KIAA0586: variants seen among roughly 807,000 people sequenced by gnomAD.
KIAA0586 encodes the protein protein TALPID3.
A neutral mutation model predicts 169.8 loss-of-function variants in KIAA0586; 144 were observed. The observed-to-expected ratio is 0.85, with a 90% CI of 0.74 to 0.97. The LOEUF is 0.97. Ranked by LOEUF, KIAA0586 falls within the 50% of genes least tolerant of loss-of-function variation. KIAA0586 has a pLI of 0.00. For missense variants in KIAA0586, 1,854 were observed against 1,823.0 expected, an observed-to-expected ratio of 1.02 and a Z score of -0.31; for synonymous variants, 625 against 612.4, an observed-to-expected ratio of 1.02 and a Z score of -0.30.
In KIAA0586 at chr14:58,474,750, T is replaced by G; in HGVS notation, c.2778T>G (p.Asp926Glu). The G allele has an allele frequency of 6.2e-7, 1 of 1,611,816 alleles. No individual in the cohort carries two copies. Among genetic ancestry groups the G allele is most frequent in the Non-Finnish European group, 8.5e-7 (1 of 1,179,254 alleles). ...TTCAGCCCACTGCTGATATTCTGGA[T>G]AAAGTAATTGAGAGAAAAGAAACAC... ...STFQPTADIL[D>E]KVIERKETLE... The change falls in exon 19 of 31, where the codon GAT (aspartate) becomes GAG (glutamate). Residue 926 changes from aspartate to glutamate, a missense_variant. Coordinates refer to ENST00000652326, the MANE Select transcript of KIAA0586 (RefSeq NM_001329943.3).
rs1278071635 is a variant in KIAA0586, at chr14:58,488,072, C to T, written c.3490C>T (p.Pro1164Ser). Reference sequence around the variant, plus strand: ...AGACCTGCCACTGGAAGAAGAGAACCCTAACTCACCTCAAGAAGAACTTCA... The same window carrying T: ...AGACCTGCCACTGGAAGAAGAGAACTCTAACTCACCTCAAGAAGAACTTCA... Reference protein sequence around the residue: ...DGDLPLEEENPNSPQEELHPR... With the variant: ...DGDLPLEEENSNSPQEELHPR... The change falls in exon 23 of 31, where the codon CCT becomes TCT. Residue 1164 changes from proline (P) to serine (S), a missense_variant. Coordinates refer to ENST00000652326, the MANE Select transcript of KIAA0586 (RefSeq NM_001329943.3). 3.1e-6 allele frequency: 5 copies of T among 1,607,594 alleles called. No homozygotes were observed. In the Admixed American group the frequency reaches 8.5e-5, roughly 27 times the overall value.
intron 13 of KIAA0586, 33 bp downstream of exon 13, chr14:58,460,103 G>T (rs2040202393): frequency 1.6e-6 from 2 of 1,230,486 alleles, no homozygotes; most frequent in South Asian, 2.9e-5. Context: ...TAACATAATT[G>T]TTGTGTTATA....
At position 58,544,963 on chromosome 14, in the gene KIAA0586, A is replaced by G. The variant is rs999511855; in HGVS notation, c.4496-2818A>G. ...TTCATTGCCTTCCCACCATCTTTTC[A>G]GTCCCAACTCAATGGCTACCTTCCA... On this transcript the variant is annotated intron_variant, in intron 30 of 30. Transcript: ENST00000652326. 2.6e-5 allele frequency among the ~76,000 whole-genome samples: 4 copies of G among 152,320 alleles called. No individual in the cohort carries two copies. The South Asian group carries it at 6.2e-4, about 24-fold the overall frequency.
chr14:58,556,809 G>A, the KIAA0586 span, among the ~76,000 whole-genome samples: 5 of 152,094 alleles, frequency 3.3e-5, no homozygotes, highest in Middle Eastern at 3.2e-3. Context: ...GCAATGGCTC[G>A]ATCTCGGCTC....
intron 27 of KIAA0586, among the ~76,000 whole-genome samples, chr14:58,504,551 A>C (rs2043801184): frequency 6.6e-6 from 1 of 152,194 alleles, no homozygotes; most frequent in Non-Finnish European, 1.5e-5. Context: ...TTTTAGGCAA[A>C]CTTAGTCTTC....
intron 8 of KIAA0586, among the ~76,000 whole-genome samples, chr14:58,452,256 C>T (rs1404217784): frequency 6.6e-6 from 1 of 151,958 alleles, no homozygotes; most frequent in African/African-American, 2.4e-5. Flanking sequence ...CCAAATACCA[C>T]CTGTTCCCCA....
chr14:58,486,949 C>G (rs2042488818), intron 21 of KIAA0586, 58 bp from the exon 22 acceptor site: 5 of 1,392,062 alleles, frequency 3.6e-6, no homozygotes, highest in Non-Finnish European at 3.9e-6. Context: ...ATATTATTTT[C>G]AAATTACTTT....
At chr14:58,518,374 T>C (rs1173488145) in intron 29 of KIAA0586, among the ~76,000 whole-genome samples, 3 of 152,224 alleles carry the variant, frequency 2.0e-5, no homozygotes, top group Non-Finnish European at 4.4e-5. Flanking sequence ...TATTTAAAAA[T>C]ACATTCCATT....
intron 29 of KIAA0586, 89 bp downstream of exon 29, chr14:58,512,716 C>A: frequency 4.2e-6 from 3 of 707,844 alleles, no homozygotes; most frequent in South Asian, 2.0e-5. Context: ...TTTATACATC[C>A]CACTGCTCTC....
upstream of KIAA0586, chr14:58,427,671 C>T (rs923173865): frequency 6.5e-7 from 1 of 1,535,582 alleles, no homozygotes; most frequent in East Asian, 2.4e-5. Context: ...TGTTGTGTCT[C>T]AAGGGCGGGT....
At chr14:58,545,352 A>T (rs2046914281) in intron 30 of KIAA0586, among the ~76,000 whole-genome samples, 2 of 152,240 alleles carry the variant, frequency 1.3e-5, no homozygotes, top group Non-Finnish European at 1.5e-5. Context: ...CACCCTAAAA[A>T]GTTATAGCTC....
chr14:58,514,993 T>C (rs951059831), intron 29 of KIAA0586, among the ~76,000 whole-genome samples: 3 of 152,100 alleles, frequency 2.0e-5, no homozygotes, highest in Admixed American at 6.6e-5. Flanking sequence ...AATTAAATTC[T>C]ATAAAGTAAT....
At position 58,487,993 on chromosome 14, in the gene KIAA0586, C is replaced by T. The variant is rs781526422; in HGVS notation, c.3411C>T (p.Ser1137=). 6.2e-7 allele frequency: 1 copy of T among 1,613,060 alleles called. No individual in the cohort carries two copies. The highest frequency in any genetic ancestry group is 8.5e-7 in the Non-Finnish European group (1 of 1,179,550). The change falls in exon 23 of 31, where the codon TCC becomes TCT. Residue 1137 remains serine (S), a synonymous_variant. Transcript: ENST00000652326. ...TTACCCCAACTTTGTCAGATATTTC[C>T]ATTGATAAATTGAAGGTATCAAGCC... The part of the protein sequence containing the change: ...AVFTPTLSDI[S]IDKLKVSSPE...
chr14:58,531,969 A>AATTTTTATGTAGTTTCACCAG (rs2045997785), intron 29 of KIAA0586, among the ~76,000 whole-genome samples: 1 of 151,572 alleles, frequency 6.6e-6, no homozygotes, highest in African/African-American at 2.4e-5. Flanking sequence ...CTCACTCATA[A>AATTTTTATGTAGTTTCACCAG]GTGGGAGTTG....
At chr14:58,467,623 A>G (rs1435109207) in intron 15 of KIAA0586, 112 bp from the exon 16 acceptor site, 2 of 755,508 alleles carry the variant, frequency 2.6e-6, no homozygotes, top group African/African-American at 3.5e-5. Context: ...GGTGATTGTC[A>G]GATAGGGCTT....
intron 7 of KIAA0586, 54 bp from the exon 8 acceptor site, chr14:58,450,525 A>AT: frequency 9.3e-7 from 1 of 1,070,490 alleles, no homozygotes; most frequent in Non-Finnish European, 1.4e-6. Context: ...ATATGCTATA[A>AT]TTTTTAAAGC....
chr14:58,542,264 G>A (rs1481801882), intron 30 of KIAA0586, among the ~76,000 whole-genome samples: 1 of 151,958 alleles, frequency 6.6e-6, no homozygotes, highest in Non-Finnish European at 1.5e-5. Context: ...AGATCACGGG[G>A]TCAGGAGTTT....
intron 6 of KIAA0586, among the ~76,000 whole-genome samples, chr14:58,447,677 C>T (rs1009624299): frequency 1.3e-5 from 2 of 151,922 alleles, no homozygotes; most frequent in African/African-American, 4.8e-5. Flanking sequence ...GACGGGGTTT[C>T]ACCATGTTGG....
intron 29 of KIAA0586, among the ~76,000 whole-genome samples, chr14:58,526,306 G>A (rs1434940534): frequency 6.6e-6 from 1 of 152,184 alleles, no homozygotes; most frequent in East Asian, 1.9e-4. Context: ...TCATACAGGA[G>A]ATCTATGACT....
Sources: allele counts gnomAD v4.1 joint callset (sites outside exome capture counted in the v4.1 genomes callset), GRCh38; gene constraint gnomAD v4.1.1; transcripts MANE v1.5; gene names NCBI Gene and HGNC (gene_info 2026-07-23, HGNC 2026-07-21).